Variants in SLC67A1 observed in about 807,000 individuals in gnomAD.
The protein encoded by SLC67A1 is solute carrier family 67 member A1.
chr11:2,915,251 A>G, the SLC67A1 span: 3 of 984,988 alleles, frequency 3.0e-6, no homozygotes, highest in Non-Finnish European at 3.6e-6. Context: ...TGGCAAACGG[A>G]TGCAGGTAAG....
chr11:2,922,183 A>G, the SLC67A1 span: 171 of 1,613,504 alleles, frequency 1.1e-4, no homozygotes, highest in South Asian at 1.6e-3. Flanking sequence ...GCTGGTCTTC[A>G]TCGTGGTGGG....
chr11:2,914,868 G>C, the SLC67A1 span: 2 of 985,458 alleles, frequency 2.0e-6, no homozygotes, highest in Non-Finnish European at 2.4e-6. Context: ...TGGCCACAGG[G>C]GCCAGTTGTC....
At chr11:2,914,355 G>T in the SLC67A1 span, among the ~76,000 whole-genome samples, 1 of 152,186 alleles carries the variant, frequency 6.6e-6, no homozygotes, top group Non-Finnish European at 1.5e-5. Flanking sequence ...CCGTGCTAAG[G>T]GTGCTTCCAG....
chr11:2,919,496 G>GCCTCC, the SLC67A1 span: 13 of 959,154 alleles, frequency 1.4e-5, no homozygotes, highest in Non-Finnish European at 2.1e-5. Context: ...CCCCGGCGGA[G>GCCTCC]GCTGGGGAGC....
the SLC67A1 span, chr11:2,903,697 G>T: frequency 1.6e-6 from 1 of 609,578 alleles, no homozygotes; most frequent in Non-Finnish European, 2.9e-6. Flanking sequence ...TCCAGCTTCA[G>T]TGCCAGCCCC....
chr11:2,915,218 G>A, the SLC67A1 span: 1 of 985,324 alleles, frequency 1.0e-6, no homozygotes, highest in East Asian at 1.1e-4. Context: ...TAGTCAGTGT[G>A]GCTCCAAGTC....
the SLC67A1 span, among the ~76,000 whole-genome samples, chr11:2,901,786 C>T: frequency 3.9e-5 from 6 of 152,222 alleles, no homozygotes; most frequent in Admixed American, 1.3e-4. Flanking sequence ...GTCTCCTGGT[C>T]ACTCTTCTGG....
chr11:2,901,838 C>T, the SLC67A1 span, among the ~76,000 whole-genome samples: 1 of 152,202 alleles, frequency 6.6e-6, no homozygotes, highest in Non-Finnish European at 1.5e-5. Flanking sequence ...TACACCACAC[C>T]CTCTACAACC....
the SLC67A1 span, chr11:2,909,120 C>T: frequency 7.4e-7 from 1 of 1,351,384 alleles, no homozygotes; most frequent in Non-Finnish European, 9.7e-7. Context: ...GTCAGCCCCG[C>T]CTGGGCAGCC....
the SLC67A1 span, chr11:2,908,128 C>G: frequency 1.4e-6 from 1 of 729,004 alleles, no homozygotes; most frequent in Non-Finnish European, 2.4e-6. Flanking sequence ...GTCAACAGAA[C>G]CCAGGCCCTC....
the SLC67A1 span, among the ~76,000 whole-genome samples, chr11:2,904,635 A>G: frequency 2.6e-5 from 4 of 152,196 alleles, no homozygotes; most frequent in South Asian, 2.1e-4. Context: ...ATGGGGAGTA[A>G]CTCCGTGCTG....
chr11:2,900,982 A>C, the SLC67A1 span, among the ~76,000 whole-genome samples: 1 of 152,126 alleles, frequency 6.6e-6, no homozygotes, highest in Non-Finnish European at 1.5e-5. Flanking sequence ...TTCTAAACAC[A>C]AAGGTGGAGG....
chr11:2,923,094 G>A, the SLC67A1 span, among the ~76,000 whole-genome samples: 819 of 152,304 alleles, frequency 5.4e-3, 21 homozygotes, highest in East Asian at 0.015. This position sits in a 1 kb window ranked among gnomAD's most constrained non-coding sequence, Gnocchi z 6.5. Flanking sequence ...GAAGAGAGCC[G>A]CTCATGCAGA....
At chr11:2,901,155 C>CT in the SLC67A1 span, among the ~76,000 whole-genome samples, 1,812 of 152,314 alleles carry the variant, frequency 0.012, 36 homozygotes, top group African/African-American at 0.041. Context: ...CAGAGAAACA[C>CT]TTTTTCTTCC....
the SLC67A1 span, chr11:2,922,238 C>A: frequency 6.3e-7 from 1 of 1,584,264 alleles, no homozygotes; most frequent in Non-Finnish European, 8.7e-7. Context: ...ACTCACCTGA[C>A]CCTCTCACTG....
the SLC67A1 span, among the ~76,000 whole-genome samples, chr11:2,906,366 T>C: frequency 6.6e-6 from 1 of 152,238 alleles, no homozygotes; most frequent in Admixed American, 6.5e-5. Flanking sequence ...ATCCCATTAC[T>C]GGGTATATAC....
chr11:2,909,781 C>A, the SLC67A1 span: 1 of 1,370,458 alleles, frequency 7.3e-7, no homozygotes, highest in African/African-American at 1.5e-5. Context: ...CGCCCCGCCT[C>A]CTCTTGGCCT....
chr11:2,903,417 G>C, the SLC67A1 span: 56 of 1,613,012 alleles, frequency 3.5e-5, no homozygotes, highest in Non-Finnish European at 4.2e-5. Flanking sequence ...GCCGGTCCTC[G>C]GTCATCTTGC....
the SLC67A1 span, chr11:2,917,025 T>C: frequency 0.15 from 63,297 of 428,788 alleles, 4,740 homozygotes; most frequent in Middle Eastern, 0.23. Context: ...ACAGGGAAGG[T>C]GCTAGGAGGG....
Sources: allele counts gnomAD v4.1 joint callset (sites outside exome capture counted in the v4.1 genomes callset), GRCh38; gene constraint gnomAD v4.1.1; non-coding constraint Gnocchi (gnomAD v3.1); transcripts MANE v1.5; gene names NCBI Gene and HGNC (gene_info 2026-07-23, HGNC 2026-07-21).